Variants in CDH10 observed in about 807,000 individuals in gnomAD.
CDH10 encodes cadherin 10.
CDH10 carries 30 observed loss-of-function variants against 73.1 expected under a neutral mutation model. The observed-to-expected ratio is 0.41, with a 90% CI of 0.31 to 0.56. The LOEUF (loss-of-function observed/expected upper bound fraction) is 0.56. Ranked by LOEUF, CDH10 falls within the 20% of genes least tolerant of loss-of-function variation. The pLI is 0.27. For missense variants in CDH10, 815 were observed against 973.7 expected (o/e 0.84, Z 2.17); for synonymous variants, 345 against 348.2 (o/e 0.99, Z 0.10).
intron 1 of CDH10, among the ~76,000 whole-genome samples, chr5:24,642,700 T>C (rs1480071242): frequency 1.3e-5 from 2 of 152,100 alleles, no homozygotes; most frequent in African/African-American, 4.8e-5. Context: ...ATTAATCAGG[T>C]ACCAAACAAT....
chr5:24,489,257 A>C (rs1741958904), intron 11 of CDH10, among the ~76,000 whole-genome samples: 1 of 152,140 alleles, frequency 6.6e-6, no homozygotes, highest in African/African-American at 2.4e-5. Context: ...ATGAAGGGAT[A>C]TTAAGTTATG....
chr5:24,517,325 A>T (rs1743144704), intron 5 of CDH10, among the ~76,000 whole-genome samples: 2 of 152,198 alleles, frequency 1.3e-5, no homozygotes, highest in Admixed American at 1.3e-4. Flanking sequence ...AACACTGGTC[A>T]GTAATACCAC....
intron 2 of CDH10, among the ~76,000 whole-genome samples, chr5:24,552,409 C>A (rs997791351): frequency 2.6e-5 from 4 of 151,794 alleles, no homozygotes; most frequent in African/African-American, 9.7e-5. Context: ...AATAAGTTTT[C>A]ATTAAATGCC....
rs1410661931 is a variant in CDH10, at chr5:24,523,432, GAAGA to G, written c.814+11676_814+11679del. On this transcript the variant is annotated intron_variant, in intron 5 of 11. Coordinates refer to ENST00000264463, the MANE Select transcript of CDH10 (RefSeq NM_006727.5). ...AAAATTAAAAAATTTCCTAATGATA[GAAGA>G]AATAATCAGTTTATGATAAAAAAAT... Among the ~76,000 whole-genome samples the G allele has an allele frequency of 4.0e-5, 6 of 151,866 alleles. No homozygotes were observed. In the East Asian group the frequency reaches 5.8e-4, roughly 15 times the overall value.
intron 8 of CDH10, among the ~76,000 whole-genome samples, chr5:24,501,921 A>C (rs1196085845): frequency 6.7e-6 from 1 of 150,152 alleles, no homozygotes; most frequent in South Asian, 2.1e-4. Flanking sequence ...TATTCTCCAC[A>C]TGGCCTTTTT....
intron 2 of CDH10, among the ~76,000 whole-genome samples, chr5:24,581,460 A>T (rs1745795400): frequency 6.6e-6 from 1 of 152,102 alleles, no homozygotes; most frequent in South Asian, 2.1e-4. Context: ...GATTGCACTT[A>T]CATTTGTAAC....
intron 5 of CDH10, 79 bp downstream of exon 5, chr5:24,535,033 C>T (rs910159493): frequency 7.6e-7 from 1 of 1,322,020 alleles, no homozygotes; most frequent in Non-Finnish European, 1.0e-6. Context: ...ATTGCTTTTT[C>T]TTTTCTTTTT....
chr5:24,488,791 A>C (rs1579706324), intron 11 of CDH10, among the ~76,000 whole-genome samples: 11 of 131,714 alleles, frequency 8.4e-5, no homozygotes, highest in African/African-American at 2.0e-4. Flanking sequence ...CTTGCATGAG[A>C]CCCCCCCCCC....
chr5:24,574,260 T>A (rs1026980277), intron 2 of CDH10, among the ~76,000 whole-genome samples: 1 of 152,140 alleles, frequency 6.6e-6, no homozygotes, highest in Non-Finnish European at 1.5e-5. Context: ...TAACAGTGAT[T>A]ATGATTAGTG....
intron 2 of CDH10, among the ~76,000 whole-genome samples, chr5:24,586,888 A>G (rs1579846955): frequency 1.0e-5 from 1 of 98,428 alleles, no homozygotes; most frequent in Non-Finnish European, 2.0e-5. Context: ...TCTGTCGCCC[A>G]GGCTGGAGTG....
intron 2 of CDH10, among the ~76,000 whole-genome samples, chr5:24,584,788 C>T (rs1042734282): frequency 6.6e-6 from 1 of 151,654 alleles, no homozygotes; most frequent in Admixed American, 6.6e-5. Flanking sequence ...TTTTTACTAT[C>T]CACATCATAA....
intron 7 of CDH10, among the ~76,000 whole-genome samples, chr5:24,507,891 G>C (rs1303595256): frequency 6.6e-6 from 1 of 152,158 alleles, no homozygotes; most frequent in Non-Finnish European, 1.5e-5. Flanking sequence ...CTGTGATGCT[G>C]TGTGTGAATA....
At chr5:24,634,274 A>G (rs1421519185) in intron 1 of CDH10, among the ~76,000 whole-genome samples, 4 of 151,890 alleles carry the variant, frequency 2.6e-5, no homozygotes, top group Non-Finnish European at 5.9e-5. Flanking sequence ...CAACTAAATG[A>G]AAGCAAAATA....
At chr5:24,543,694 A>G (rs1413759855) in intron 2 of CDH10, among the ~76,000 whole-genome samples, 1 of 152,058 alleles carries the variant, frequency 6.6e-6, no homozygotes, top group Non-Finnish European at 1.5e-5. Flanking sequence ...ATTTGCACCC[A>G]ACAACAACAA....
chr5:24,557,183 T>G (rs1280526077), intron 2 of CDH10, among the ~76,000 whole-genome samples: 1 of 101,602 alleles, frequency 9.8e-6, no homozygotes, highest in Admixed American at 1.1e-4. Flanking sequence ...CAGAATAGAA[T>G]TATTAACATC....
chr5:24,591,809 G>A (rs1377199352), intron 2 of CDH10, among the ~76,000 whole-genome samples: 3 of 151,878 alleles, frequency 2.0e-5, no homozygotes, highest in East Asian at 1.9e-4. Flanking sequence ...GCTTGACTAT[G>A]AGAGTATATA....
At chr5:24,534,151 A>G (rs1408843659) in intron 5 of CDH10, among the ~76,000 whole-genome samples, 1 of 152,106 alleles carries the variant, frequency 6.6e-6, no homozygotes, top group Non-Finnish European at 1.5e-5. Flanking sequence ...ATATAAAGAT[A>G]AATATTACAA....
chr5:24,537,438 A>T lies in CDH10; in HGVS notation c.468T>A (p.Asn156Lys), dbSNP rs1263406742. Residue 156 changes from asparagine to lysine, a missense_variant, in exon 3 of 12, where the codon AAT becomes AAA. This residue lies in a region of CDH10 where 516 missense variants were observed against 636.6 expected (regional missense o/e 0.81). Transcript: ENST00000264463. Reference sequence around the variant, plus strand: ...AGATTTCTTCTGGGAACGTTGGCTCATTGTCATTGATATCATGAATTTTGA... The same window carrying T: ...AGATTTCTTCTGGGAACGTTGGCTCTTTGTCATTGATATCATGAATTTTGA... Reference protein sequence around the residue: ...FVIKIHDINDNEPTFPEEIYT... With the variant: ...FVIKIHDINDKEPTFPEEIYT... The T allele has an allele frequency of 6.2e-7, 1 of 1,612,822 alleles. No homozygotes were observed. The highest frequency in any genetic ancestry group is 1.1e-5 in the South Asian group (1 of 91,050).
intron 9 of CDH10, among the ~76,000 whole-genome samples, chr5:24,496,407 T>C (rs1241455550): frequency 6.6e-6 from 1 of 152,160 alleles, no homozygotes; most frequent in African/African-American, 2.4e-5. Context: ...CCTCTGACTC[T>C]CTCTGAGATG....
Sources: allele counts gnomAD v4.1 joint callset (sites outside exome capture counted in the v4.1 genomes callset), GRCh38; gene constraint gnomAD v4.1.1; regional missense constraint gnomAD v4.1.1; transcripts MANE v1.5; gene names NCBI Gene and HGNC (gene_info 2026-07-23, HGNC 2026-07-21).